The following PCBP3 variants were observed in gnomAD, a reference collection of about 807,000 sequenced individuals.
PCBP3 encodes the protein poly(rC)-binding protein 3.
PCBP3 carries 25 observed loss-of-function variants against 52.7 expected under a neutral mutation model. The ratio of observed to expected loss-of-function variants is 0.47; its 90% CI spans 0.35 to 0.66. The LOEUF (loss-of-function observed/expected upper bound fraction) is 0.66, where lower values mean the gene tolerates loss of function less well. PCBP3 is among the 30% of genes least tolerant of loss of function. PCBP3 has a pLI of 0.01. For synonymous variants in PCBP3, 162 were observed against 183.0 expected (o/e 0.89, Z 0.93); for missense variants, 391 against 490.3 (o/e 0.80, Z 1.91).
intron 4 of PCBP3, among the ~76,000 whole-genome samples, chr21:45,797,667 A>AGAGACTGAATGTGTGGATGGACAGAT (rs2092014874): frequency 1.2e-4 from 1 of 8,244 alleles, no homozygotes; most frequent in Non-Finnish European, 2.9e-4. Context: ...ATGGATCCAT[A>AGAGACTGAATGTGTGGATGGACAGAT]GGGAGAGTGA....
chr21:45,740,875 C>T (rs1237584906), intron 3 of PCBP3, among the ~76,000 whole-genome samples: 1 of 152,182 alleles, frequency 6.6e-6, no homozygotes, highest in Non-Finnish European at 1.5e-5. Context: ...CGTTACTGTG[C>T]AGCTGAACAT....
intron 3 of PCBP3, among the ~76,000 whole-genome samples, chr21:45,753,728 A>G (rs2087763585): frequency 6.6e-6 from 1 of 151,942 alleles, no homozygotes; most frequent in Non-Finnish European, 1.5e-5. Flanking sequence ...TCTTATATGT[A>G]TGCTTAATTT....
rs150853779 is a variant in PCBP3, at chr21:45,941,959, G to A, written c.*253G>A. On this transcript the variant is annotated 3_prime_UTR_variant, in exon 18 of 18. Coordinates refer to ENST00000681687, the MANE Select transcript of PCBP3 (RefSeq NM_001384156.1). Reference sequence around the variant, plus strand: ...TTACGCTCCCGTCTGCCCATGCACCGGCATGCAGTGGTAATTATTTTAGAA... The same window carrying A: ...TTACGCTCCCGTCTGCCCATGCACCAGCATGCAGTGGTAATTATTTTAGAA... The A allele has an allele frequency of 2.2e-4, 90 of 417,358 alleles. No homozygotes were observed. The highest frequency in any genetic ancestry group is 1.6e-3 in the African/African-American group (80 of 48,832). The allele number at this position is 417,358 out of a possible 1,614,324, so 25.9% of individuals were successfully genotyped here.
At chr21:45,882,454 G>A (rs1217838264) in intron 5 of PCBP3, among the ~76,000 whole-genome samples, 3 of 152,180 alleles carry the variant, frequency 2.0e-5, no homozygotes, top group African/African-American at 7.2e-5. Context: ...TGTATGGTTT[G>A]CAGTTTTTTT....
At chr21:45,700,450 G>GT (rs1280833976) in intron 2 of PCBP3, among the ~76,000 whole-genome samples, 56 of 152,300 alleles carry the variant, frequency 3.7e-4, no homozygotes, top group African/African-American at 1.3e-3. Context: ...CCTGGAAGCA[G>GT]CCCACAGATG....
intron 1 of PCBP3, among the ~76,000 whole-genome samples, chr21:45,657,847 A>T (rs903955760): frequency 6.6e-6 from 1 of 152,180 alleles, no homozygotes; most frequent in Admixed American, 6.5e-5. Flanking sequence ...AGATTATATT[A>T]TCTGCAGATA....
At chr21:45,816,407 G>A (rs1031045034) in intron 4 of PCBP3, among the ~76,000 whole-genome samples, 13 of 148,918 alleles carry the variant, frequency 8.7e-5, no homozygotes, top group Non-Finnish European at 1.8e-4. Flanking sequence ...GTTTTTATAA[G>A]AATTTTTCAT....
chr21:45,776,012 A>T (rs2090225794), intron 4 of PCBP3, among the ~76,000 whole-genome samples: 1 of 152,126 alleles, frequency 6.6e-6, no homozygotes, highest in Non-Finnish European at 1.5e-5. Context: ...TTGCTGTATC[A>T]CACAGGTTTT....
chr21:45,896,093 G>A (rs2095818432), intron 5 of PCBP3, 115 bp from the exon 6 acceptor site: 1 of 958,854 alleles, frequency 1.0e-6, no homozygotes, highest in Non-Finnish European at 1.6e-6. Flanking sequence ...TGGTGGGTGG[G>A]CAACCCCATT....
At chr21:45,725,954 C>G (rs1013782772) in intron 2 of PCBP3, among the ~76,000 whole-genome samples, 29 of 152,196 alleles carry the variant, frequency 1.9e-4, no homozygotes, top group African/African-American at 6.5e-4. Flanking sequence ...CAGGTGTCAC[C>G]CTCAGGGCAG....
At chr21:45,915,013 G>C (rs2073146117) in intron 12 of PCBP3, 1 of 152,236 alleles carries the variant, frequency 6.6e-6, no homozygotes, top group African/African-American at 2.4e-5. Context: ...GTGTTTGAGG[G>C]AGAGACAGGG....
rs373084274 is a variant in PCBP3, at chr21:45,798,574, T to C, written c.-126+43122T>C. Among the ~76,000 whole-genome samples, 27 of 145,196 alleles carry C rather than the reference T, an allele frequency of 1.9e-4. No homozygotes were observed. The South Asian group carries it at 6.1e-3, about 33-fold the overall frequency. On this transcript the variant is annotated intron_variant, in intron 4 of 17. Transcript: ENST00000681687. The stretch of plus-strand genomic sequence containing the variant: ...TGAATGCATGGATCCATAGAGAGAG[T>C]GAATGGATGTGTACATGGATGAATG...
At chr21:45,908,180 C>G (rs540662037) in intron 9 of PCBP3, among the ~76,000 whole-genome samples, 42 of 152,296 alleles carry the variant, frequency 2.8e-4, no homozygotes, top group African/African-American at 1.0e-3. Context: ...CTTGGAGAGA[C>G]AGGCACCAGA....
chr21:45,685,215 C>T (rs1290775449), intron 2 of PCBP3, among the ~76,000 whole-genome samples: 1 of 151,982 alleles, frequency 6.6e-6, no homozygotes, highest in Non-Finnish European at 1.5e-5. Context: ...CAGAAAATAA[C>T]ATGGGGAATG....
At chr21:45,706,566 C>G (rs2083463769) in intron 2 of PCBP3, among the ~76,000 whole-genome samples, 2 of 152,194 alleles carry the variant, frequency 1.3e-5, no homozygotes, top group African/African-American at 2.4e-5. Context: ...TCCCCAGTCC[C>G]CACTGCTGCC....
chr21:45,644,299 G>A (rs1312033246), intron 1 of PCBP3, among the ~76,000 whole-genome samples: 1 of 151,694 alleles, frequency 6.6e-6, no homozygotes, highest in Non-Finnish European at 1.5e-5. Flanking sequence ...GCGGGGCGGG[G>A]CGCGGGGCCT....
intron 4 of PCBP3, among the ~76,000 whole-genome samples, chr21:45,787,807 C>T (rs563699119): frequency 6.6e-6 from 1 of 152,310 alleles, no homozygotes; most frequent in South Asian, 2.1e-4. Flanking sequence ...TGACGCTTCA[C>T]AAATGTGTTA....
chr21:45,900,546 A>T, intron 7 of PCBP3, 45 bp from the exon 8 acceptor site: 2 of 1,547,588 alleles, frequency 1.3e-6, no homozygotes, highest in Non-Finnish European at 1.8e-6. Flanking sequence ...CCGTCCTCAG[A>T]GCCAGAGGGA....
chr21:45,807,854 G>T (rs1361759393), intron 4 of PCBP3, among the ~76,000 whole-genome samples: 1 of 151,936 alleles, frequency 6.6e-6, no homozygotes, highest in African/African-American at 2.4e-5. Flanking sequence ...CAGATAGATA[G>T]ACCAAAGGAA....
Sources: gnomAD v4.1 joint callset for allele counts (sites outside exome capture counted in the v4.1 genomes callset) on GRCh38, gnomAD v4.1.1 for gene constraint, MANE v1.5 for transcripts, NCBI Gene and HGNC (gene_info 2026-07-23, HGNC 2026-07-21) for gene names.